PCDHA1: variants seen among roughly 807,000 people sequenced by gnomAD.
PCDHA1 encodes protocadherin alpha-1.
Under a neutral mutation model 61.3 loss-of-function variants are expected in PCDHA1, and 42 were observed. That is an observed-to-expected ratio of 0.69 (90% confidence interval 0.54 to 0.89). The LOEUF (loss-of-function observed/expected upper bound fraction) is 0.89. Ranked by LOEUF, PCDHA1 falls within the 40% of genes least tolerant of loss-of-function variation. The probability of loss-of-function intolerance (pLI) is 0.00; values close to 1 mark genes in which losing one functional copy is unlikely to be tolerated. For missense variants in PCDHA1, 1,256 were observed against 1,235.3 expected, an observed-to-expected ratio of 1.02 and a Z score of -0.25; for synonymous variants, 610 against 553.8, an observed-to-expected ratio of 1.10 and a Z score of -1.43.
At chr5:140,837,745 T>C (rs1305157984) in intron 1 of PCDHA1, among the ~76,000 whole-genome samples, 1 of 151,794 alleles carries the variant, frequency 6.6e-6, no homozygotes, top group East Asian at 1.9e-4. Context: ...GGTGGGATTA[T>C]AGCCCACTGC....
At chr5:140,871,593 A>G in intron 1 of PCDHA1, 3 of 1,458,668 alleles carry the variant, frequency 2.1e-6, no homozygotes, top group South Asian at 1.5e-5. Context: ...TTTTATGAAT[A>G]ACCAGTGTTT....
chr5:140,899,548 T>C (rs1452628026), intron 1 of PCDHA1, among the ~76,000 whole-genome samples: 5 of 152,214 alleles, frequency 3.3e-5, no homozygotes, highest in African/African-American at 1.2e-4. Flanking sequence ...TCATGGTGGA[T>C]AAGCTTTTTG....
rs141068049 is a variant in PCDHA1, at chr5:140,842,535, A to C, written c.2394+53851A>C. 7.4e-6 allele frequency: 12 copies of C among 1,612,482 alleles called. 1 individual carries two copies. The highest frequency in any genetic ancestry group is 1.0e-5 in the Non-Finnish European group (12 of 1,178,836). On this transcript the variant is annotated intron_variant, in intron 1 of 3. Coordinates refer to ENST00000504120, the MANE Select transcript of PCDHA1 (RefSeq NM_018900.4). ...CTGGTGTCCACCTTCAAGAATTACT[A>C]CTCGTTGGTGCTGGACAGCGCCCTG... is the stretch of plus-strand genomic sequence containing the variant.
intron 1 of PCDHA1, among the ~76,000 whole-genome samples, chr5:140,818,022 T>A (rs1766264873): frequency 6.6e-6 from 1 of 152,256 alleles, no homozygotes; most frequent in South Asian, 2.1e-4. Context: ...ACAGCTTTAC[T>A]ATCATGTGCC....
intron 1 of PCDHA1, chr5:140,882,765 CGG>C: frequency 6.2e-7 from 1 of 1,614,222 alleles, no homozygotes; most frequent in Non-Finnish European, 8.5e-7. Flanking sequence ...GGAGTAAACT[CGG>C]CATTGACCTA....
chr5:140,822,345 T>C, intron 1 of PCDHA1: 1 of 1,614,154 alleles, frequency 6.2e-7, no homozygotes, highest in Non-Finnish European at 8.5e-7. Flanking sequence ...AAACGAACTT[T>C]TTAGAGCTGG....
chr5:140,853,897 G>A, intron 1 of PCDHA1: 2 of 967,612 alleles, frequency 2.1e-6, no homozygotes, highest in Non-Finnish European at 2.5e-6. Context: ...AAAAGATGTG[G>A]TGGCCTGACA....
At chr5:140,967,405 G>A in intron 1 of PCDHA1, 1 of 1,612,164 alleles carries the variant, frequency 6.2e-7, no homozygotes, top group Non-Finnish European at 8.5e-7. Context: ...TGCTGCGTAA[G>A]GGCCTAGACC....
intron 2 of PCDHA1, among the ~76,000 whole-genome samples, chr5:140,981,956 T>C (rs2096959461): frequency 6.6e-6 from 1 of 152,184 alleles, no homozygotes; most frequent in Non-Finnish European, 1.5e-5. Flanking sequence ...GGGTCATCTA[T>C]GCATAAAAGA....
At chr5:140,918,331 G>A (rs1429617568) in intron 1 of PCDHA1, among the ~76,000 whole-genome samples, 1 of 152,114 alleles carries the variant, frequency 6.6e-6, no homozygotes, top group Non-Finnish European at 1.5e-5. Context: ...TATATTGTCT[G>A]CTAAGAGAGA....
At chr5:141,006,882 G>A (rs1442637421) in intron 3 of PCDHA1, among the ~76,000 whole-genome samples, 1 of 152,204 alleles carries the variant, frequency 6.6e-6, no homozygotes, top group Non-Finnish European at 1.5e-5. Flanking sequence ...GGAATCAAGA[G>A]TTTGATTTCA....
At position 140,946,316 on chromosome 5, in the gene PCDHA1, G is replaced by C. The variant is rs1293160526; in HGVS notation, c.2395-32633G>C. ...CACACCTGGTAGAATGGCTATTATTGAAAGAGGAAAGATAACAAGTGATGG... is the reference window on the plus strand; with the variant it reads ...CACACCTGGTAGAATGGCTATTATTCAAAGAGGAAAGATAACAAGTGATGG... On this transcript the variant is annotated intron_variant, in intron 1 of 3. Transcript: ENST00000504120. Among the ~76,000 whole-genome samples, 3 of 151,662 alleles carry C rather than the reference G, an allele frequency of 2.0e-5. No individual in the cohort carries two copies. In the East Asian group the frequency reaches 5.8e-4, roughly 29 times the overall value.
chr5:140,952,724 C>G (rs1481919445), intron 1 of PCDHA1, among the ~76,000 whole-genome samples: 1 of 152,100 alleles, frequency 6.6e-6, no homozygotes, highest in Non-Finnish European at 1.5e-5. Context: ...ATTTTCTGTA[C>G]TAGTCTTTTC....
chr5:140,956,749 G>A (rs1179471294), intron 1 of PCDHA1, among the ~76,000 whole-genome samples: 5 of 152,144 alleles, frequency 3.3e-5, no homozygotes, highest in African/African-American at 1.2e-4. Context: ...ACCTCTGATA[G>A]AATTCAGCTG....
intron 3 of PCDHA1, among the ~76,000 whole-genome samples, chr5:140,997,165 G>A (rs1554255769): frequency 6.6e-6 from 1 of 151,976 alleles, no homozygotes; most frequent in African/African-American, 2.4e-5. Flanking sequence ...CCTGCCCAGA[G>A]TGGTACATTC....
At chr5:140,843,404 G>C (rs2150359308) in intron 1 of PCDHA1, 2 of 1,596,130 alleles carry the variant, frequency 1.3e-6, no homozygotes, top group Admixed American at 3.4e-5. Context: ...GGCGCTGGTG[G>C]ATGTCAACGT....
chr5:140,979,414 T>C (rs1410205907), intron 2 of PCDHA1, among the ~76,000 whole-genome samples: 1 of 152,242 alleles, frequency 6.6e-6, no homozygotes, highest in African/African-American at 2.4e-5. Flanking sequence ...CCTTGTTTTT[T>C]TTTTAATCTC....
intron 1 of PCDHA1, chr5:140,842,982 T>C (rs2150349122): frequency 6.3e-7 from 1 of 1,594,948 alleles, no homozygotes; most frequent in Non-Finnish European, 8.6e-7. Context: ...CTGCAGGTGT[T>C]CGTGCTGGAC....
At chr5:140,884,665 A>G (rs1554181817) in intron 1 of PCDHA1, 9 of 1,578,032 alleles carry the variant, frequency 5.7e-6, no homozygotes, top group Non-Finnish European at 7.7e-6. Context: ...TGAAAGAGGT[A>G]AGCTTATATT....
Sources: allele counts gnomAD v4.1 joint callset (sites outside exome capture counted in the v4.1 genomes callset), GRCh38; gene constraint gnomAD v4.1.1; transcripts MANE v1.5; gene names NCBI Gene and HGNC (gene_info 2026-07-23, HGNC 2026-07-21).